Variants in BBS9 observed in about 807,000 individuals in gnomAD.
The protein encoded by BBS9 is protein PTHB1.
BBS9 carries 89 observed loss-of-function variants against 117.7 expected under a neutral mutation model. That is an observed-to-expected ratio of 0.76 (90% CI 0.64 to 0.90). BBS9 has a LOEUF of 0.90. Ranked by LOEUF, BBS9 falls within the 40% of genes least tolerant of loss-of-function variation. BBS9 has a pLI of 0.00. For synonymous variants in BBS9, 379 were observed against 370.9 expected (o/e 1.02, Z -0.25); for missense variants, 982 against 1,042.2 (o/e 0.94, Z 0.80).
rs984062347 is a variant in BBS9, at chr7:33,389,394, A to T, written c.2115+1250A>T. On this transcript the variant is annotated intron_variant, in intron 19 of 22. Transcript: ENST00000242067. ...TGCTCATAATACATTTGTTTCTTAA[A>T]ATTTTCTTGGTTAGGCTGGGCATGG... is the stretch of plus-strand genomic sequence containing the variant. Among the ~76,000 whole-genome samples, 3 of 152,164 alleles carry T rather than the reference A, an allele frequency of 2.0e-5. 1 individual carries two copies. Among genetic ancestry groups the T allele is most frequent in the Admixed American group, 1.3e-4 (2 of 15,276 alleles).
chr7:33,180,597 C>T lies in BBS9; in HGVS notation c.442+3006C>T, dbSNP rs186669422. Among the ~76,000 whole-genome samples, 111 of 152,236 alleles carry T rather than the reference C, an allele frequency of 7.3e-4. 2 individuals carry two copies. The South Asian group carries it at 9.3e-3, about 13-fold the overall frequency. On this transcript the variant is annotated intron_variant, in intron 5 of 22. Transcript: ENST00000242067. ...GTCTCTATCTCCTGACCTCGTGACC[C>T]GCCTGCCTCAGCCTCTCAAAGTGCT...
intron 18 of BBS9, among the ~76,000 whole-genome samples, chr7:33,385,005 T>C (rs1287241683): frequency 6.6e-6 from 1 of 152,202 alleles, no homozygotes; most frequent in Non-Finnish European, 1.5e-5. Flanking sequence ...TCGTATGGAA[T>C]GAGAATCTTT....
chr7:33,273,045 C>G lies in BBS9; in HGVS notation c.736C>G (p.Leu246Val). Residue 246 changes from leucine (L) to valine (V), a missense_variant, in exon 8 of 23, where the codon CTT becomes GTT. By Grantham distance (32) the Leu-to-Val change is conservative. Coordinates refer to ENST00000242067, the MANE Select transcript of BBS9 (RefSeq NM_198428.3). ...GACTCTAAATATTGGAGAGCAAGCC[C>G]TTGACATATGTATTGTCTCTTTCAA... ...DWTLNIGEQA[L>V]DICIVSFNQS... 2 of 1,613,556 alleles carry G rather than the reference C, an allele frequency of 1.2e-6. No individual in the cohort carries two copies. The highest frequency in any genetic ancestry group is 2.2e-5 in the East Asian group (1 of 44,790).
chr7:33,309,600 A>T (rs936785321), intron 9 of BBS9, among the ~76,000 whole-genome samples: 1 of 152,234 alleles, frequency 6.6e-6, no homozygotes, highest in South Asian at 2.1e-4. Flanking sequence ...AGGTAGGAAA[A>T]GGGACCAGGT....
At chr7:33,437,997 A>G (rs1835568751) in intron 19 of BBS9, among the ~76,000 whole-genome samples, 1 of 152,234 alleles carries the variant, frequency 6.6e-6, no homozygotes, top group African/African-American at 2.4e-5. Flanking sequence ...TGAAAAACAC[A>G]TAGGCTCTCT....
At chr7:33,287,450 T>A (rs1382385066) in intron 9 of BBS9, among the ~76,000 whole-genome samples, 15 of 152,206 alleles carry the variant, frequency 9.9e-5, no homozygotes, top group Non-Finnish European at 1.5e-5. Context: ...GTAAAATAGA[T>A]GAATAGTCAT....
intron 14 of BBS9, chr7:33,351,799 A>G: frequency 4.5e-6 from 1 of 223,730 alleles, no homozygotes; most frequent in Non-Finnish European, 9.0e-6. Flanking sequence ...TGATGAGGCC[A>G]GGCTCCTCCC....
Position 33,365,420 on chromosome 7 carries a change from C to T in BBS9, c.1694-2347C>T, listed in dbSNP as rs138509115. On this transcript the variant is annotated intron_variant, in intron 16 of 22. Coordinates refer to ENST00000242067, the MANE Select transcript of BBS9 (RefSeq NM_198428.3). ...ATAGCAATGTAAACTGTTTGCAGCT[C>T]TCTTAGCTGTGGTTGGTGTTGGTTA... Among the ~76,000 whole-genome samples the T allele has an allele frequency of 4.6e-3, 706 of 152,314 alleles. 1 individual carries two copies. The highest frequency in any genetic ancestry group is 7.6e-3 in the African/African-American group (314 of 41,572).
intron 5 of BBS9, among the ~76,000 whole-genome samples, chr7:33,194,828 T>C (rs1167861750): frequency 6.6e-6 from 1 of 152,206 alleles, no homozygotes; most frequent in African/African-American, 2.4e-5. Context: ...GCAGGAATTT[T>C]TATATTTATT....
chr7:33,549,669 A>C (rs1183864100), intron 21 of BBS9, among the ~76,000 whole-genome samples: 2 of 151,820 alleles, frequency 1.3e-5, no homozygotes, highest in Non-Finnish European at 1.5e-5. Flanking sequence ...CAAAAAACAC[A>C]TGAAAAAATG....
chr7:33,344,325 T>C (rs1817191899), intron 11 of BBS9, among the ~76,000 whole-genome samples: 1 of 151,870 alleles, frequency 6.6e-6, no homozygotes, highest in Admixed American at 6.6e-5. Context: ...CACCTCGGCC[T>C]CCCAAAGTGC....
chr7:33,233,100 G>C (rs572651340), intron 5 of BBS9, among the ~76,000 whole-genome samples: 31 of 152,192 alleles, frequency 2.0e-4, no homozygotes, highest in African/African-American at 4.6e-4. Context: ...GAAGAAATAG[G>C]GGGGGTTGAG....
chr7:33,596,299 C>CA (rs1491153351), intron 21 of BBS9, among the ~76,000 whole-genome samples: 4 of 143,448 alleles, frequency 2.8e-5, no homozygotes, highest in African/African-American at 7.9e-5. Context: ...CACACACACA[C>CA]TTATATATGT....
At chr7:33,377,364 G>C (rs1006641314) in intron 17 of BBS9, among the ~76,000 whole-genome samples, 1 of 152,120 alleles carries the variant, frequency 6.6e-6, no homozygotes, top group Non-Finnish European at 1.5e-5. Flanking sequence ...TCTCTCTTCT[G>C]TTCTGTTGGT....
chr7:33,248,385 A>C (rs2128296231), intron 5 of BBS9, among the ~76,000 whole-genome samples: 1 of 152,258 alleles, frequency 6.6e-6, no homozygotes. Flanking sequence ...AAACAATAAC[A>C]GAATATGAGG....
At chr7:33,444,981 A>G (rs1836776755) in intron 19 of BBS9, among the ~76,000 whole-genome samples, 1 of 152,130 alleles carries the variant, frequency 6.6e-6, no homozygotes, top group Non-Finnish European at 1.5e-5. Flanking sequence ...TCAGCTGTCT[A>G]GGGAAGTTGG....
At chr7:33,498,236 A>G (rs1321496296) in intron 19 of BBS9, among the ~76,000 whole-genome samples, 4 of 152,352 alleles carry the variant, frequency 2.6e-5, no homozygotes, top group Middle Eastern at 6.8e-3. Context: ...GGCCATTAAT[A>G]TATCAAAATT....
In BBS9 at chr7:33,167,065, T is replaced by C. The variant is rs547264981; in HGVS notation, c.329-10413T>C. On this transcript the variant is annotated intron_variant, in intron 4 of 22. Transcript: ENST00000242067. Reference sequence around the variant, plus strand: ...ATTTTATCTCTTCCATGATGAGTCATAGAATGCAGAGCTTTTAATAACAAA... The same window carrying C: ...ATTTTATCTCTTCCATGATGAGTCACAGAATGCAGAGCTTTTAATAACAAA... 2.6e-5 allele frequency among the ~76,000 whole-genome samples: 4 copies of C among 152,374 alleles called. No individual in the cohort carries two copies. The East Asian group carries it at 5.8e-4, about 22-fold the overall frequency.
chr7:33,318,849 C>A (rs932003019), intron 9 of BBS9, among the ~76,000 whole-genome samples: 1 of 152,094 alleles, frequency 6.6e-6, no homozygotes, highest in Non-Finnish European at 1.5e-5. Flanking sequence ...GTTTTCCATT[C>A]CTGAGTTACT....
Sources: allele counts gnomAD v4.1 joint callset (sites outside exome capture counted in the v4.1 genomes callset), GRCh38; gene constraint gnomAD v4.1.1; transcripts MANE v1.5; gene names NCBI Gene and HGNC (gene_info 2026-07-23, HGNC 2026-07-21).